The following DRAM2 variants were observed in gnomAD, a reference collection of about 807,000 sequenced individuals.
DRAM2 encodes DNA damage regulated autophagy modulator 2, also known as DNA damage-regulated autophagy modulator protein 2.
DRAM2 carries 26 observed loss-of-function variants against 33.5 expected under a neutral mutation model. The ratio of observed to expected loss-of-function variants is 0.78; its 90% CI spans 0.57 to 1.08. The LOEUF is 1.08. DRAM2 is among the 50% of genes least tolerant of loss of function. DRAM2 has a pLI of 0.00. For missense variants in DRAM2, 311 were observed against 318.1 expected, an observed-to-expected ratio of 0.98 and a Z score of 0.17; for synonymous variants, 98 against 109.5, an observed-to-expected ratio of 0.89 and a Z score of 0.66.
intron 6 of DRAM2, among the ~76,000 whole-genome samples, chr1:111,121,746 C>T (rs1650092595): frequency 6.6e-6 from 1 of 152,062 alleles, no homozygotes; most frequent in Non-Finnish European, 1.5e-5. Flanking sequence ...TCCAATCCTG[C>T]ATAGTCCCTT....
At chr1:111,138,739 G>A (rs1405587115) in intron 2 of DRAM2, among the ~76,000 whole-genome samples, 3 of 152,114 alleles carry the variant, frequency 2.0e-5, no homozygotes, top group Non-Finnish European at 4.4e-5. Flanking sequence ...AGCCAAGGTC[G>A]TGCCACTGCA....
intron 9 of DRAM2, 75 bp downstream of exon 9, chr1:111,118,730 A>G: frequency 8.8e-7 from 1 of 1,131,372 alleles, no homozygotes; most frequent in South Asian, 1.6e-5. Flanking sequence ...TGCCTATGGA[A>G]AGTTCTCTTA....
In DRAM2 at chr1:111,117,382, A is replaced by G. The variant is rs1242879814; in HGVS notation, c.*778T>C. ...ATCTGCTGTTATTCCCAAACTTCTC[A>G]ATGTTACATGAATACTAACCCTTGT... On this transcript the variant is annotated 3_prime_UTR_variant, in exon 10 of 10. Transcript: ENST00000484310. 2 of 152,108 alleles carry G rather than the reference A, an allele frequency of 1.3e-5. No homozygotes were observed. The highest frequency in any genetic ancestry group is 6.6e-5 in the Admixed American group (1 of 15,256). The allele number at this position is 152,108 out of a possible 1,614,324, so 9.4% of individuals were successfully genotyped here. A position where few individuals can be genotyped will look rare whatever the true frequency, so the allele number is the denominator to read the frequency against.
intron 2 of DRAM2, among the ~76,000 whole-genome samples, chr1:111,138,226 C>T (rs543637629): frequency 9.3e-4 from 141 of 152,240 alleles, no homozygotes; most frequent in South Asian, 1.9e-3. Context: ...CTTTGAGAGT[C>T]CCAGTTGTTT....
At chr1:111,132,236 G>A (rs954970745) in intron 3 of DRAM2, among the ~76,000 whole-genome samples, 2 of 152,214 alleles carry the variant, frequency 1.3e-5, no homozygotes, top group Non-Finnish European at 2.9e-5. Context: ...AGAGCTTCTA[G>A]ATAGCCAAAC....
chr1:111,126,256 C>A lies in DRAM2; in HGVS notation c.170G>T (p.Gly57Val). 1 of 1,609,854 alleles carries A rather than the reference C, an allele frequency of 6.2e-7. No individual in the cohort carries two copies. Among genetic ancestry groups the A allele is most frequent in the Non-Finnish European group, 8.5e-7 (1 of 1,177,956 alleles). ...AACTGCCGCAATATTTAGCATTGCC[C>A]CAAATAAGCATTTTTCTGGAGCTAC... ...GTVAPEKCLF[G>V]AMLNIAAVLC... Residue 57 changes from glycine (G) to valine (V), a missense_variant, in exon 5 of 10, where the codon GGG (glycine) becomes GTG (valine). Transcript: ENST00000484310.
Position 111,118,869 on chromosome 1 carries a change from G to A in DRAM2, c.629C>T (p.Ala210Val), listed in dbSNP as rs778999576. Residue 210 changes from alanine (A) to valine (V), a missense_variant, in exon 9 of 10, where the codon GCA (alanine) becomes GTA (valine). Coordinates refer to ENST00000484310, the MANE Select transcript of DRAM2 (RefSeq NM_001349884.2). ...GGAAAATGACATAGACCATTCTGCT[G>A]CAGTAGTGATCATGTGAAGCACATA... ...KGYVLHMITTAAEWSMSFSFF... is the reference protein window; with the variant it reads ...KGYVLHMITTVAEWSMSFSFF... 42 of 1,609,416 alleles carry A rather than the reference G, an allele frequency of 2.6e-5. No homozygotes were observed. Among genetic ancestry groups the A allele is most frequent in the Admixed American group, 6.7e-5 (4 of 59,596 alleles).
chr1:111,127,644 A>G (rs1651282444), intron 4 of DRAM2, among the ~76,000 whole-genome samples: 1 of 152,198 alleles, frequency 6.6e-6, no homozygotes, highest in African/African-American at 2.4e-5. Context: ...TCCACAATGT[A>G]TATGTATTAT....
chr1:111,124,751 T>C lies in DRAM2; in HGVS notation c.330A>G (p.Ala110=), dbSNP rs1180326736. The part of the protein sequence containing the change: ...ILSCLGLSIV[A]NFQKTTLFAA... ...GGGCTAAAACACAAACCTGGAAGTT[T>C]GCCACAATAGAAAGTCCTAAACAAC... The change falls in exon 6 of 10, where the codon GCA becomes GCG. Residue 110 remains alanine (A), a synonymous_variant. Coordinates refer to ENST00000484310, the MANE Select transcript of DRAM2 (RefSeq NM_001349884.2). The C allele has an allele frequency of 6.2e-7, 1 of 1,613,248 alleles. No homozygotes were observed. The highest frequency in any genetic ancestry group is 8.5e-7 in the Non-Finnish European group (1 of 1,179,604).
At position 111,120,702 on chromosome 1, in the gene DRAM2, T is replaced by C. The variant is rs369824924; in HGVS notation, c.340-9A>G. The C allele has an allele frequency of 1.3e-5, 20 of 1,486,536 alleles. No individual in the cohort carries two copies. The highest frequency in any genetic ancestry group is 2.5e-5 in the East Asian group (1 of 39,930). 92.1% of individuals were successfully genotyped at this position (1,486,536 alleles called of 1,614,324 possible). On this transcript the variant is annotated splice_polypyrimidine_tract_variant and intron_variant, in intron 6 of 9. Coordinates refer to ENST00000484310, the MANE Select transcript of DRAM2 (RefSeq NM_001349884.2). ...GCAAAAAGGGTTGTTTTCTGAGAGA[T>C]AGAGAGAAGAAATACGTCAATAAAA...
In DRAM2 at chr1:111,140,057, C is replaced by CT; in HGVS notation, c.-265dup. 1 of 152,480 alleles carries CT rather than the reference C, an allele frequency of 6.6e-6. No individual in the cohort carries two copies. Among genetic ancestry groups the CT allele is most frequent in the East Asian group, 1.9e-4 (1 of 5,190 alleles). The allele number at this position is 152,480 out of a possible 1,614,324, so 9.4% of individuals were successfully genotyped here. On this transcript the variant is annotated 5_prime_UTR_variant, in exon 1 of 10. Transcript: ENST00000484310. The stretch of plus-strand genomic sequence containing the variant: ...ACTTACCTTACCAGACCGACTAGCG[C>CT]TGGCCGCTGGCGCCGAAGCCCCTAT...
Position 111,124,793 on chromosome 1 carries a change from A to G in DRAM2, c.288T>C (p.Leu96=), listed in dbSNP as rs764960211. 2.5e-6 allele frequency: 4 copies of G among 1,613,640 alleles called. No homozygotes were observed. Among genetic ancestry groups the G allele is most frequent in the African/African-American group, 1.3e-5 (1 of 75,036 alleles). The part of the protein sequence containing the change: ...NVIIKLNKAG[L]VLGILSCLGL... ...CTAAACAACTCAGTATTCCAAGTAC[A>G]AGGCCAGCCTTGTTTAATTTGATGA... Residue 96 remains leucine (L), a synonymous_variant, in exon 6 of 10, where the codon CTT becomes CTC. Coordinates refer to ENST00000484310, the MANE Select transcript of DRAM2 (RefSeq NM_001349884.2).
intron 7 of DRAM2, 24 bp from the exon 8 acceptor site, chr1:111,119,983 G>C: frequency 6.3e-7 from 1 of 1,587,594 alleles, no homozygotes; most frequent in African/African-American, 1.3e-5. Context: ...AGTCAAGGAA[G>C]AATCTCAGAG....
chr1:111,133,101 A>G (rs1652435770), intron 3 of DRAM2, among the ~76,000 whole-genome samples: 2 of 151,612 alleles, frequency 1.3e-5, no homozygotes. Flanking sequence ...TTCTCCTACA[A>G]TGGTTTCCCC....
chr1:111,119,037 T>C (rs1649468186), intron 8 of DRAM2, 140 bp from the exon 9 acceptor site: 3 of 506,598 alleles, frequency 5.9e-6, no homozygotes, highest in Non-Finnish European at 6.8e-6. Flanking sequence ...AGGCATATAA[T>C]ATCTCTAGAA....
intron 6 of DRAM2, among the ~76,000 whole-genome samples, chr1:111,122,134 A>G (rs1650167790): frequency 6.6e-6 from 1 of 152,136 alleles, no homozygotes; most frequent in Admixed American, 6.6e-5. Flanking sequence ...GGTTTAGCAA[A>G]TTATTTTTTT....
chr1:111,118,547 A>C (rs1649369627), intron 9 of DRAM2: 2 of 489,228 alleles, frequency 4.1e-6, no homozygotes, highest in South Asian at 7.2e-5. Context: ...CAGAATCGAT[A>C]ACAAATTCTA....
In DRAM2 at chr1:111,124,831, C is replaced by G. The variant is rs748269321; in HGVS notation, c.250G>C (p.Glu84Gln). Residue 84 changes from glutamate (E) to glutamine (Q), a missense_variant, in exon 6 of 10, where the codon GAA becomes CAA. Physicochemically the swap from Glu to Gln is conservative, Grantham distance 29. Transcript: ENST00000484310. ...RYKQVHALSP[E>Q]ENVIIKLNKA... ...TTTAATTTGATGATAACGTTCTCTTCAGGACTCAGAGCATGAACTTGCTTA... is the reference window on the plus strand; with the variant it reads ...TTTAATTTGATGATAACGTTCTCTTGAGGACTCAGAGCATGAACTTGCTTA... The G allele has an allele frequency of 6.2e-7, 1 of 1,613,412 alleles. No homozygotes were observed. Among genetic ancestry groups the G allele is most frequent in the East Asian group, 2.2e-5 (1 of 44,824 alleles).
chr1:111,117,994 A>G lies in DRAM2; in HGVS notation c.*166T>C, dbSNP rs1237961150. 3.1e-6 allele frequency: 2 copies of G among 640,194 alleles called. No homozygotes were observed. Among genetic ancestry groups the G allele is most frequent in the Non-Finnish European group, 5.5e-6 (2 of 364,994 alleles). 39.7% of individuals were successfully genotyped at this position (640,194 alleles called of 1,614,324 possible). A position where few individuals can be genotyped will look rare whatever the true frequency, so the allele number is the denominator to read the frequency against. On this transcript the variant is annotated 3_prime_UTR_variant, in exon 10 of 10. Transcript: ENST00000484310. ...CTTCTTGATGATATCCTTTAGAATA[A>G]TCTATCAAATGGCTTCTTTCATGTT... is the stretch of plus-strand genomic sequence containing the variant.
Sources: gnomAD v4.1 joint callset for allele counts (sites outside exome capture counted in the v4.1 genomes callset) on GRCh38, gnomAD v4.1.1 for gene constraint, MANE v1.5 for transcripts, NCBI Gene and HGNC (gene_info 2026-07-23, HGNC 2026-07-21) for gene names.